The following GLI2 variants were observed in gnomAD, a reference collection of about 807,000 sequenced individuals.
GLI2 encodes GLI family zinc finger 2, also known as transcription activator GLI2.
GLI2 carries 22 observed loss-of-function variants against 78.9 expected under a neutral mutation model. The observed-to-expected ratio is 0.28, with a 90% CI of 0.20 to 0.40. GLI2 has a LOEUF of 0.40. Among genes scored for constraint, GLI2 ranks in the 10% least tolerant of loss-of-function variants. GLI2 has a pLI of 1.00. For missense variants in GLI2, 2,097 were observed against 2,213.2 expected, an observed-to-expected ratio of 0.95 and a Z score of 1.05; for synonymous variants, 974 against 963.7, an observed-to-expected ratio of 1.01 and a Z score of -0.20.
At chr2:120,974,859 C>A in intron 8 of GLI2, 116 bp from the exon 9 acceptor site, 1 of 1,452,230 alleles carries the variant, frequency 6.9e-7, no homozygotes, top group Non-Finnish European at 9.7e-7. Flanking sequence ...CACTTGCATC[C>A]ACACCTGTAA....
At chr2:120,821,201 CGAG>C in intron 2 of GLI2, among the ~76,000 whole-genome samples, 1 of 152,032 alleles carries the variant, frequency 6.6e-6, no homozygotes, top group Admixed American at 6.6e-5. Context: ...GAGGTTCTCT[CGAG>C]TTGCAAAGGT....
Position 120,955,354 on chromosome 2 carries a change from C to T in GLI2, c.567C>T (p.Pro189=), listed in dbSNP as rs755823328. The T allele has an allele frequency of 1.2e-6, 2 of 1,613,434 alleles. No homozygotes were observed. The highest frequency in any genetic ancestry group is 2.2e-5 in the South Asian group (2 of 91,064). Residue 189 remains proline, a synonymous_variant, in exon 5 of 14, where the codon CCC becomes CCT. Transcript: ENST00000361492. ...CCCTCGTGGCAGGCCACCCCGCGCC[C>T]TACGGGGACCTGCTGATGCAGAGCG... ...QMTLVAGHPA[P]YGDLLMQSGG... is the part of the protein sequence containing the mutation.
At chr2:120,827,149 G>C (rs1012596015) in intron 2 of GLI2, among the ~76,000 whole-genome samples, 1 of 152,208 alleles carries the variant, frequency 6.6e-6, no homozygotes, top group Non-Finnish European at 1.5e-5. Flanking sequence ...CTCAGAGCCA[G>C]CCCAGAAACA....
At chr2:120,935,234 T>C (rs4848130) in intron 3 of GLI2, among the ~76,000 whole-genome samples, 148,274 of 152,302 alleles carry the variant, frequency 0.97, 72,233 homozygotes, top group East Asian at 1. Flanking sequence ...CAACTTGTCC[T>C]TCCTTTCCAC....
At position 120,975,126 on chromosome 2, in the gene GLI2, C is replaced by T. The variant is rs1293644415; in HGVS notation, c.1317+17C>T. On this transcript the variant is annotated intron_variant, in intron 9 of 13. Coordinates refer to ENST00000361492, the MANE Select transcript of GLI2 (RefSeq NM_001374353.1). Reference sequence around the variant, plus strand: ...CTGGTGCATGTAAGCTTTTGAACCCCAGCAGCCCGCCAACCGGGGCACGGC... The same window carrying T: ...CTGGTGCATGTAAGCTTTTGAACCCTAGCAGCCCGCCAACCGGGGCACGGC... The T allele has an allele frequency of 4.3e-6, 7 of 1,613,088 alleles. No individual in the cohort carries two copies. The East Asian group carries it at 1.1e-4, about 26-fold the overall frequency.
chr2:120,880,777 G>C (rs1396250965), intron 2 of GLI2, among the ~76,000 whole-genome samples: 1 of 152,168 alleles, frequency 6.6e-6, no homozygotes, highest in Non-Finnish European at 1.5e-5. Flanking sequence ...ATTGTGATTT[G>C]AACTGCTTTT....
chr2:120,889,377 C>T (rs979621302), intron 2 of GLI2, among the ~76,000 whole-genome samples: 14 of 152,320 alleles, frequency 9.2e-5, no homozygotes, highest in African/African-American at 3.1e-4. Flanking sequence ...CAGTCAGCTC[C>T]TCCATCGAGG....
Position 120,974,787 on chromosome 2 carries a change from TG to T in GLI2, c.1183-187del. On this transcript the variant is annotated intron_variant, in intron 8 of 13. Coordinates refer to ENST00000361492, the MANE Select transcript of GLI2 (RefSeq NM_001374353.1). ...AGCTAAAAAGGCTGATGAGTGTGTG[TG>T]TGTGTGTGTGTGTGTCTGCATGCAT... 4 of 764,976 alleles carry T rather than the reference TG, an allele frequency of 5.2e-6. No homozygotes were observed. The South Asian group carries it at 5.9e-5, about 11-fold the overall frequency. 47.4% of individuals were successfully genotyped at this position (764,976 alleles called of 1,614,324 possible).
chr2:120,955,111 C>T (rs1022740022), intron 4 of GLI2, 134 bp from the exon 5 acceptor site: 48 of 690,722 alleles, frequency 6.9e-5, no homozygotes, highest in Admixed American at 1.2e-4. Flanking sequence ...GGGAAAATGC[C>T]GAGGAGAGAA....
intron 2 of GLI2, among the ~76,000 whole-genome samples, chr2:120,867,606 G>T (rs1688206250): frequency 6.6e-6 from 1 of 152,260 alleles, no homozygotes; most frequent in South Asian, 2.1e-4. Context: ...TGGGTAAGTT[G>T]AAGGAGGACG....
intron 9 of GLI2, among the ~76,000 whole-genome samples, chr2:120,975,724 C>G (rs1324145483): frequency 2.6e-5 from 4 of 152,150 alleles, no homozygotes; most frequent in Admixed American, 1.3e-4. Flanking sequence ...GCCTCTTGGT[C>G]CTCATTCCAA....
chr2:120,982,987 C>T, intron 11 of GLI2, 107 bp downstream of exon 11: 2 of 1,011,952 alleles, frequency 2.0e-6, no homozygotes, highest in Non-Finnish European at 3.0e-6. Context: ...CCATGTCCCG[C>T]CCCCGCCACT....
intron 2 of GLI2, among the ~76,000 whole-genome samples, chr2:120,826,962 G>A (rs1353625990): frequency 7.9e-5 from 12 of 152,146 alleles, no homozygotes; most frequent in Middle Eastern, 3.2e-3. Context: ...AACCACTGGC[G>A]GCTCCCGGGA....
At chr2:120,972,112 G>A (rs1156776886) in intron 8 of GLI2, 49 bp downstream of exon 8, 1 of 1,607,038 alleles carries the variant, frequency 6.2e-7, no homozygotes, top group Admixed American at 1.7e-5. Context: ...GACCAGGCTT[G>A]TGGGCTGCCT....
At chr2:120,890,481 A>G (rs1677626729) in intron 2 of GLI2, among the ~76,000 whole-genome samples, 1 of 152,144 alleles carries the variant, frequency 6.6e-6, no homozygotes, top group South Asian at 2.1e-4. Flanking sequence ...CTAAATGCAT[A>G]CACATTCACA....
chr2:120,951,519 A>C, intron 4 of GLI2, 74 bp downstream of exon 4: 3 of 861,146 alleles, frequency 3.5e-6, no homozygotes, highest in Non-Finnish European at 5.6e-6. Context: ...TCTCACGCTA[A>C]CACTGTCAAC....
rs1682401502 is a variant in GLI2, at chr2:120,737,402, G to T, written c.-31+1117G>T. ...GGTGATCGGTCGCTGAGGCTCTCGG[G>T]GACCTCGAGCCCCCCCGAGGGTGCC... On this transcript the variant is annotated intron_variant, in intron 1 of 13. Transcript: ENST00000361492. This position sits in a 1 kb window ranked among gnomAD's most constrained non-coding sequence, Gnocchi z 4.3. Among the ~76,000 whole-genome samples, 1 of 152,142 alleles carries T rather than the reference G, an allele frequency of 6.6e-6. No individual in the cohort carries two copies. The highest frequency in any genetic ancestry group is 6.5e-5 in the Admixed American group (1 of 15,280).
At position 120,965,592 on chromosome 2, in the gene GLI2, G is replaced by A. The variant is rs191663154; in HGVS notation, c.644-3122G>A. 5.1e-3 allele frequency among the ~76,000 whole-genome samples: 715 copies of A among 141,308 alleles called. 63 individuals are homozygous for A. Among genetic ancestry groups the A allele is most frequent in the Non-Finnish European group, 8.7e-3 (546 of 63,066 alleles). 92.7% of individuals were successfully genotyped at this position (141,308 alleles called of 152,430 possible). A position where few individuals can be genotyped will look rare whatever the true frequency, so the allele number is the denominator to read the frequency against. On this transcript the variant is annotated intron_variant, in intron 5 of 13. Transcript: ENST00000361492. ...CGGCAGAGGGGCACGCTCCAGCCGG[G>A]ATGCAGATGCTGCGGCAGAAGGGCA...
intron 1 of GLI2, among the ~76,000 whole-genome samples, chr2:120,756,305 CTAAGA>C (rs1683032611): frequency 6.6e-6 from 1 of 151,914 alleles, no homozygotes; most frequent in East Asian, 1.9e-4. Context: ...CAGATTTATT[CTAAGA>C]TATTTTATGT....
Sources: allele counts gnomAD v4.1 joint callset (sites outside exome capture counted in the v4.1 genomes callset), GRCh38; gene constraint gnomAD v4.1.1; non-coding constraint Gnocchi (gnomAD v3.1); transcripts MANE v1.5; gene names NCBI Gene and HGNC (gene_info 2026-07-23, HGNC 2026-07-21).